The following TMEM232 variants were observed in gnomAD, a reference collection of about 807,000 sequenced individuals.
TMEM232 encodes the protein transmembrane protein 232.
A neutral mutation model predicts 78.8 loss-of-function variants in TMEM232; 80 were observed. The ratio of observed to expected loss-of-function variants is 1.01; its 90% CI spans 0.85 to 1.22. The LOEUF is 1.22. Among genes scored for constraint, TMEM232 ranks in the 50% most tolerant of loss-of-function variants. The probability of loss-of-function intolerance (pLI) is 0.00; values close to 1 mark genes in which losing one functional copy is unlikely to be tolerated. For missense variants in TMEM232, 881 were observed against 742.2 expected, an observed-to-expected ratio of 1.19 and a Z score of -2.17; for synonymous variants, 297 against 254.3, an observed-to-expected ratio of 1.17 and a Z score of -1.60.
intron 12 of TMEM232, among the ~76,000 whole-genome samples, chr5:110,441,021 G>T (rs1393404023): frequency 2.0e-5 from 3 of 152,078 alleles, no homozygotes. Context: ...TTTTGACTGA[G>T]GAAGGAAGAT....
At chr5:110,697,095 C>G (rs947956628) in intron 1 of TMEM232, among the ~76,000 whole-genome samples, 1 of 152,160 alleles carries the variant, frequency 6.6e-6, no homozygotes, top group African/African-American at 2.4e-5. Context: ...GGTACCAAAA[C>G]AGAGATACAG....
At chr5:110,482,786 G>A (rs1398010052) in intron 12 of TMEM232, among the ~76,000 whole-genome samples, 3 of 151,372 alleles carry the variant, frequency 2.0e-5, no homozygotes, top group African/African-American at 7.3e-5. Context: ...GTAGGTAGTG[G>A]GATTATATAT....
Position 110,532,671 on chromosome 5 carries a change from T to C in TMEM232, c.1456-3836A>G, listed in dbSNP as rs983852620. Among the ~76,000 whole-genome samples, 74 of 152,074 alleles carry C rather than the reference T, an allele frequency of 4.9e-4. 1 individual carries two copies. Among genetic ancestry groups the C allele is most frequent in the East Asian group, 9.7e-4 (5 of 5,160 alleles). ...CTGGACTACAGCTATATCTCATTGCTACCCTTCCCAATCCAAAGCCTCCTT... is the reference window on the plus strand; with the variant it reads ...CTGGACTACAGCTATATCTCATTGCCACCCTTCCCAATCCAAAGCCTCCTT... On this transcript the variant is annotated intron_variant, in intron 11 of 13. Transcript: ENST00000455884.
intron 12 of TMEM232, among the ~76,000 whole-genome samples, chr5:110,484,502 T>C (rs1022213654): frequency 2.6e-5 from 4 of 152,102 alleles, no homozygotes; most frequent in African/African-American, 9.7e-5. Context: ...ATAAATGGAT[T>C]CAACATTCCA....
intron 12 of TMEM232, among the ~76,000 whole-genome samples, chr5:110,477,270 A>G (rs1256949055): frequency 2.6e-5 from 4 of 151,982 alleles, no homozygotes; most frequent in Non-Finnish European, 5.9e-5. Flanking sequence ...TTCCATAAAA[A>G]GCACCAAACT....
chr5:110,431,004 C>A (rs10063627), intron 12 of TMEM232, among the ~76,000 whole-genome samples: 36,536 of 151,286 alleles, frequency 0.24, 8,147 homozygotes, highest in African/African-American at 0.58. Flanking sequence ...TGAAAAATCC[C>A]GGCAGAGAAA....
upstream of TMEM232, among the ~76,000 whole-genome samples, chr5:110,727,182 T>C (rs376199149): frequency 1.3e-5 from 2 of 152,094 alleles, no homozygotes; most frequent in African/African-American, 4.8e-5. Context: ...TAGTATGCAA[T>C]AGAATTATCT....
chr5:110,607,160 A>G (rs1431819651), intron 8 of TMEM232, among the ~76,000 whole-genome samples: 1 of 152,030 alleles, frequency 6.6e-6, no homozygotes, highest in East Asian at 1.9e-4. Flanking sequence ...GGCTTTACAG[A>G]GGTCAATGTG....
At chr5:110,557,435 G>A (rs1212036457) in intron 11 of TMEM232, among the ~76,000 whole-genome samples, 1 of 152,146 alleles carries the variant, frequency 6.6e-6, no homozygotes, top group Non-Finnish European at 1.5e-5. Context: ...TAATTTGGAG[G>A]TAAGAAGACT....
chr5:110,638,461 CA>C (rs752481369), intron 4 of TMEM232, 106 bp from the exon 5 acceptor site: 742 of 1,119,614 alleles, frequency 6.6e-4, no homozygotes, highest in Admixed American at 8.6e-4. Flanking sequence ...GACCAAATTG[CA>C]GTTTTAAAAT....
intron 2 of TMEM232, among the ~76,000 whole-genome samples, chr5:110,652,294 GCACACACA>G (rs70999969): frequency 1.4e-5 from 2 of 145,450 alleles, no homozygotes; most frequent in Admixed American, 1.4e-4. Context: ...GCACGCGCGC[GCACACACA>G]CACACACACA....
chr5:110,390,592 G>A (rs1377632522), exon 4 of TMEM232: 1 of 152,190 alleles, frequency 6.6e-6, no homozygotes, highest in East Asian at 1.9e-4. Flanking sequence ...GATGGGTGAT[G>A]AGGAGTGGCC....
intron 2 of TMEM232, among the ~76,000 whole-genome samples, chr5:110,652,056 C>T (rs1316978643): frequency 6.6e-6 from 1 of 152,048 alleles, no homozygotes; most frequent in Non-Finnish European, 1.5e-5. Context: ...AGGAGGCTGA[C>T]AGAGGTTAAG....
intron 1 of TMEM232, among the ~76,000 whole-genome samples, chr5:110,720,107 T>G (rs1797438767): frequency 6.6e-6 from 1 of 152,112 alleles, no homozygotes; most frequent in South Asian, 2.1e-4. Context: ...GTTAGTTTCT[T>G]TGGGGAGGAT....
chr5:110,688,988 A>G (rs1793760024), intron 1 of TMEM232, among the ~76,000 whole-genome samples: 2 of 152,168 alleles, frequency 1.3e-5, no homozygotes, highest in African/African-American at 4.8e-5. Flanking sequence ...GTTATGTAAA[A>G]TGAAGATTCC....
intron 11 of TMEM232, among the ~76,000 whole-genome samples, chr5:110,553,348 C>T (rs1331031909): frequency 6.6e-6 from 1 of 152,058 alleles, no homozygotes; most frequent in East Asian, 1.9e-4. Context: ...ATTATTGATT[C>T]ATTGTATCCA....
chr5:110,538,350 G>A (rs1166387567), intron 11 of TMEM232, among the ~76,000 whole-genome samples: 4 of 152,134 alleles, frequency 2.6e-5, no homozygotes, highest in Non-Finnish European at 5.9e-5. Flanking sequence ...TTTTGATACT[G>A]CTGTTATGGT....
At chr5:110,583,246 G>T (rs1337739458) in intron 10 of TMEM232, among the ~76,000 whole-genome samples, 1 of 151,876 alleles carries the variant, frequency 6.6e-6, no homozygotes, top group Non-Finnish European at 1.5e-5. Context: ...TGATTTCAAA[G>T]TATACTTCAA....
At chr5:110,709,907 T>C (rs549955661) in intron 1 of TMEM232, among the ~76,000 whole-genome samples, 18 of 151,988 alleles carry the variant, frequency 1.2e-4, no homozygotes, top group African/African-American at 4.1e-4. Context: ...AGACCCAGTC[T>C]AATCTAAAGA....
Sources: gnomAD v4.1 joint callset for allele counts (sites outside exome capture counted in the v4.1 genomes callset) on GRCh38, gnomAD v4.1.1 for gene constraint, MANE v1.5 for transcripts, NCBI Gene and HGNC (gene_info 2026-07-23, HGNC 2026-07-21) for gene names.